FAT3: variants seen among roughly 807,000 people sequenced by gnomAD.
FAT3 encodes FAT atypical cadherin 3, also known as protocadherin Fat 3.
Under a neutral mutation model 310.2 loss-of-function variants are expected in FAT3, and 95 were observed. The observed-to-expected ratio is 0.31, with a 90% CI of 0.26 to 0.36. The LOEUF is 0.36. FAT3 is among the 10% of genes least tolerant of loss of function. FAT3 has a pLI of 1.00. For missense variants in FAT3, 5,408 were observed against 5,715.6 expected, an observed-to-expected ratio of 0.95 and a Z score of 1.74; for synonymous variants, 2,314 against 2,192.9, an observed-to-expected ratio of 1.06 and a Z score of -1.54.
chr11:92,560,676 T>C (rs1459504945), intron 3 of FAT3, among the ~76,000 whole-genome samples: 1 of 152,216 alleles, frequency 6.6e-6, no homozygotes, highest in African/African-American at 2.4e-5. Flanking sequence ...CTGTGTATGA[T>C]CACAAAAACT....
intron 4 of FAT3, among the ~76,000 whole-genome samples, chr11:92,707,106 A>G (rs528596477): frequency 2.8e-4 from 43 of 152,370 alleles, no homozygotes; most frequent in African/African-American, 9.6e-4. Flanking sequence ...CTTTGATTCC[A>G]TAAATAGCCA....
chr11:92,836,085 A>C (rs1402805893), intron 15 of FAT3, among the ~76,000 whole-genome samples: 1 of 152,166 alleles, frequency 6.6e-6, no homozygotes, highest in Admixed American at 6.5e-5. Context: ...GTTTCCATAC[A>C]TATAAATTTC....
chr11:92,776,721 TA>T (rs1167832153), intron 7 of FAT3, among the ~76,000 whole-genome samples: 1 of 152,198 alleles, frequency 6.6e-6, no homozygotes, highest in Non-Finnish European at 1.5e-5. Context: ...ATAAGGAAGT[TA>T]ATGAAGGGTG....
intron 1 of FAT3, among the ~76,000 whole-genome samples, chr11:92,342,007 C>G (rs1233497568): frequency 6.6e-6 from 1 of 152,032 alleles, no homozygotes; most frequent in Non-Finnish European, 1.5e-5. Context: ...CATGGATGAA[C>G]TCAGTGTTGC....
intron 3 of FAT3, among the ~76,000 whole-genome samples, chr11:92,568,449 C>G (rs930114175): frequency 3.9e-5 from 6 of 152,028 alleles, no homozygotes; most frequent in African/African-American, 1.4e-4. Context: ...GAGGAAAAAT[C>G]ATTTATATAT....
Position 92,686,936 on chromosome 11 carries a change from CA to C in FAT3, c.3608-10447del, listed in dbSNP as rs1341472052. Among the ~76,000 whole-genome samples, 6 of 152,256 alleles carry C rather than the reference CA, an allele frequency of 3.9e-5. No individual in the cohort carries two copies. The East Asian group carries it at 1.2e-3, about 29-fold the overall frequency. Reference sequence around the variant, plus strand: ...CTAAGGGGAGTGCAGTGGCTGTTTTCACACCTCAAGTGTGTCAGGAATTACA... The same window carrying C: ...CTAAGGGGAGTGCAGTGGCTGTTTTCCACCTCAAGTGTGTCAGGAATTACA... On this transcript the variant is annotated intron_variant, in intron 3 of 27. Transcript: ENST00000525166.
intron 3 of FAT3, among the ~76,000 whole-genome samples, chr11:92,562,472 G>A (rs1174075715): frequency 6.6e-6 from 1 of 152,154 alleles, no homozygotes; most frequent in Non-Finnish European, 1.5e-5. Flanking sequence ...CTGTAAAGTG[G>A]ATATACTATC....
chr11:92,337,018 T>C (rs751240626), intron 1 of FAT3, among the ~76,000 whole-genome samples: 2 of 152,210 alleles, frequency 1.3e-5, no homozygotes, highest in Non-Finnish European at 2.9e-5. Flanking sequence ...AGCATTGTTT[T>C]ACTTCCCTGG....
At chr11:92,837,947 A>AG in intron 17 of FAT3, 141 bp downstream of exon 17, 1 of 1,030,228 alleles carries the variant, frequency 9.7e-7, no homozygotes, top group Non-Finnish European at 1.4e-6. Flanking sequence ...AAAAGAACCT[A>AG]GTTCTTCTAC....
chr11:92,246,363 G>A (rs965338645), intron 1 of FAT3, among the ~76,000 whole-genome samples: 1 of 152,072 alleles, frequency 6.6e-6, no homozygotes, highest in Non-Finnish European at 1.5e-5. Context: ...TGCCCCATGA[G>A]TTGTGCACCA....
chr11:92,526,256 G>A (rs951666805), intron 3 of FAT3, among the ~76,000 whole-genome samples: 11 of 152,194 alleles, frequency 7.2e-5, no homozygotes, highest in African/African-American at 2.7e-4. Context: ...GTATGGCAAA[G>A]AGCTCCTTAG....
chr11:92,297,522 C>T (rs1224721802), intron 1 of FAT3, among the ~76,000 whole-genome samples: 2 of 152,042 alleles, frequency 1.3e-5, no homozygotes, highest in South Asian at 2.1e-4. Context: ...ATTGGTAACA[C>T]GGATATTATG....
At chr11:92,426,239 C>A (rs749610989) in intron 2 of FAT3, among the ~76,000 whole-genome samples, 23 of 151,658 alleles carry the variant, frequency 1.5e-4, no homozygotes, top group Non-Finnish European at 2.7e-4. Context: ...TTGTTTTTTT[C>A]TTGTAAATTT....
intron 2 of FAT3, among the ~76,000 whole-genome samples, chr11:92,485,453 C>G (rs1952351464): frequency 6.6e-6 from 1 of 152,116 alleles, no homozygotes; most frequent in African/African-American, 2.4e-5. Flanking sequence ...AAGGACCAGA[C>G]TATAGCTGTA....
chr11:92,563,866 T>C (rs1304161268), intron 3 of FAT3, among the ~76,000 whole-genome samples: 1 of 151,882 alleles, frequency 6.6e-6, no homozygotes, highest in Non-Finnish European at 1.5e-5. Flanking sequence ...AGGCCTGCCC[T>C]AAAAGAGCTC....
Position 92,799,810 on chromosome 11 carries a change from G to T in FAT3, c.6797G>T (p.Gly2266Val). 6.2e-7 allele frequency: 1 copy of T among 1,613,240 alleles called. No homozygotes were observed. Among genetic ancestry groups the T allele is most frequent in the Non-Finnish European group, 8.5e-7 (1 of 1,179,592 alleles). The change falls in exon 10 of 28, where the codon GGT becomes GTT. Residue 2266 changes from glycine to valine, a missense_variant. Coordinates refer to ENST00000525166, the MANE Select transcript of FAT3 (RefSeq NM_001367949.2). ...ATAAGAGCCAGCGACGCCCTTACTG[G>T]TGCTAGGGCTGAAGTCACTGTTGAC... ...LTIRASDALT[G>V]ARAEVTVDLL...
At chr11:92,794,550 C>G (rs2136168054) in intron 9 of FAT3, among the ~76,000 whole-genome samples, 1 of 152,300 alleles carries the variant, frequency 6.6e-6, no homozygotes, top group South Asian at 2.1e-4. Context: ...TTTGGAGTTT[C>G]TTAAGGAGTA....
rs1269001390 is a variant in FAT3, at chr11:92,798,527, C to A, written c.5514C>A (p.Asn1838Lys). The change falls in exon 10 of 28, where the codon AAC becomes AAA. Residue 1838 changes from asparagine (N) to lysine (K), a missense_variant. Transcript: ENST00000525166. ...CAGGTGCAATCAGAACAATTGCCAA[C>A]CTGGACCATGAAACCATTGCCCATT... ...SSTGAIRTIA[N>K]LDHETIAHFH... is the part of the protein sequence containing the mutation. 1 of 1,613,790 alleles carries A rather than the reference C, an allele frequency of 6.2e-7. No homozygotes were observed. The highest frequency in any genetic ancestry group is 1.7e-5 in the Admixed American group (1 of 60,014).
Position 92,801,387 on chromosome 11 carries a change from G to C in FAT3, c.8374G>C (p.Val2792Leu), listed in dbSNP as rs1028906034. The change falls in exon 10 of 28, where the codon GTA (valine) becomes CTA (leucine). Residue 2792 changes from valine to leucine, a missense_variant. Transcript: ENST00000525166. ...AGCAGCCACTATACCCCTGGACAAAGTAGACATTGTGTTTACTGTGGATGT... is the reference window on the plus strand; with the variant it reads ...AGCAGCCACTATACCCCTGGACAAACTAGACATTGTGTTTACTGTGGATGT... ...KVAATIPLDK[V>L]DIVFTVDVDI... 12 of 1,613,966 alleles carry C rather than the reference G, an allele frequency of 7.4e-6. No homozygotes were observed. Among genetic ancestry groups the C allele is most frequent in the Non-Finnish European group, 1.0e-5 (12 of 1,179,866 alleles).
Sources: gnomAD v4.1 joint callset for allele counts (sites outside exome capture counted in the v4.1 genomes callset) on GRCh38, gnomAD v4.1.1 for gene constraint, MANE v1.5 for transcripts, NCBI Gene and HGNC (gene_info 2026-07-23, HGNC 2026-07-21) for gene names.